Variants in PIERCE2 observed in about 807,000 individuals in gnomAD.
PIERCE2 encodes piercer of microtubule wall 2 protein.
At chr15:55,408,948 TA>T in the PIERCE2 span, among the ~76,000 whole-genome samples, 3 of 152,164 alleles carry the variant, frequency 2.0e-5, no homozygotes, top group East Asian at 5.8e-4. Flanking sequence ...CACGTTTCCT[TA>T]AGTCCGAATA....
At chr15:55,416,160 C>T in the PIERCE2 span, among the ~76,000 whole-genome samples, 4 of 151,978 alleles carry the variant, frequency 2.6e-5, no homozygotes, top group Admixed American at 1.3e-4. Flanking sequence ...AGTGCAGTGG[C>T]GTGATCTTGG....
At chr15:55,417,423 T>C in the PIERCE2 span, among the ~76,000 whole-genome samples, 1 of 152,148 alleles carries the variant, frequency 6.6e-6, no homozygotes, top group South Asian at 2.1e-4. Flanking sequence ...TAATATCTTG[T>C]ATTTTTTTTT....
the PIERCE2 span, chr15:55,418,232 A>G: frequency 6.4e-7 from 1 of 1,569,046 alleles, no homozygotes; most frequent in East Asian, 2.3e-5. Context: ...GGATAAGAAA[A>G]GTACTTCACC....
At chr15:55,416,627 T>C in the PIERCE2 span, among the ~76,000 whole-genome samples, 1 of 151,882 alleles carries the variant, frequency 6.6e-6, no homozygotes, top group Non-Finnish European at 1.5e-5. Flanking sequence ...CAATCAATCA[T>C]GAGATCCTGT....
At chr15:55,412,093 C>A in the PIERCE2 span, among the ~76,000 whole-genome samples, 30 of 82,084 alleles carry the variant, frequency 3.7e-4, no homozygotes, top group East Asian at 4.3e-4. Flanking sequence ...TTTGTCTCCA[C>A]AAAAAAAAAA....
At chr15:55,412,846 G>A in the PIERCE2 span, among the ~76,000 whole-genome samples, 8 of 152,182 alleles carry the variant, frequency 5.3e-5, no homozygotes, top group East Asian at 1.9e-4. Flanking sequence ...GTTAAAAGCT[G>A]GGGATTGATA....
chr15:55,418,167 T>G, the PIERCE2 span: 2 of 1,560,264 alleles, frequency 1.3e-6, no homozygotes, highest in East Asian at 2.2e-5. Context: ...CTGAATTAAA[T>G]TTTTTTTTTT....
chr15:55,416,950 G>A, the PIERCE2 span, among the ~76,000 whole-genome samples: 17,474 of 152,058 alleles, frequency 0.11, 1,513 homozygotes, highest in African/African-American at 0.23. Context: ...GACAGAGCGA[G>A]ACTCTGTCTC....
the PIERCE2 span, among the ~76,000 whole-genome samples, chr15:55,412,914 GAGACCAGGAGTTCA>G: frequency 2.9e-4 from 44 of 152,288 alleles, no homozygotes; most frequent in Non-Finnish European, 5.0e-4. Flanking sequence ...AGGATTGCTT[GAGACCAGGAGTTCA>G]AGACCAGCCT....
chr15:55,412,592 T>G, the PIERCE2 span, among the ~76,000 whole-genome samples: 6 of 152,178 alleles, frequency 3.9e-5, no homozygotes, highest in Non-Finnish European at 8.8e-5. Context: ...GTAGGGACAC[T>G]ATTCAGGTAG....
chr15:55,413,565 C>G, the PIERCE2 span, among the ~76,000 whole-genome samples: 1 of 151,920 alleles, frequency 6.6e-6, no homozygotes, highest in Non-Finnish European at 1.5e-5. Flanking sequence ...TTGAGACCAG[C>G]CTGACCAACA....
At chr15:55,418,431 T>G in the PIERCE2 span, 4 of 1,524,900 alleles carry the variant, frequency 2.6e-6, no homozygotes, top group Non-Finnish European at 3.5e-6. Context: ...CCACAGTTTT[T>G]CCCCTGCAAT....
the PIERCE2 span, chr15:55,408,765 G>C: frequency 6.6e-7 from 1 of 1,525,948 alleles, no homozygotes; most frequent in African/African-American, 1.4e-5. Context: ...AAAGAAGAGC[G>C]AAAATGACAG....
the PIERCE2 span, among the ~76,000 whole-genome samples, chr15:55,412,674 T>C: frequency 1.7e-3 from 253 of 152,234 alleles, 1 homozygote; most frequent in African/African-American, 6.0e-3. Flanking sequence ...AGCCAAGGCC[T>C]GAGGATCACT....
At chr15:55,418,173 T>G in the PIERCE2 span, 1 of 1,558,330 alleles carries the variant, frequency 6.4e-7, no homozygotes, top group Admixed American at 2.1e-5. Flanking sequence ...TAAATTTTTT[T>G]TTTTTCAGAA....
the PIERCE2 span, among the ~76,000 whole-genome samples, chr15:55,416,555 A>G: frequency 1.3e-5 from 2 of 152,134 alleles, no homozygotes; most frequent in Non-Finnish European, 2.9e-5. Flanking sequence ...CATCCGCCCA[A>G]GTGTTTGTCC....
the PIERCE2 span, chr15:55,410,727 G>C: frequency 5.3e-5 from 8 of 152,286 alleles, no homozygotes; most frequent in Non-Finnish European, 1.0e-4. Context: ...AAATCTACAA[G>C]TTGCCCTGGG....
the PIERCE2 span, chr15:55,408,597 C>A: frequency 2.4e-6 from 1 of 412,590 alleles, no homozygotes; most frequent in Non-Finnish European, 4.3e-6. Context: ...AAACAGCTCC[C>A]CGGATTAAAC....
At chr15:55,408,516 C>T in the PIERCE2 span, 4 of 347,158 alleles carry the variant, frequency 1.2e-5, no homozygotes, top group Admixed American at 1.4e-4. Flanking sequence ...CATCCGGGAG[C>T]CGGCGACCAC....
Sources: gnomAD v4.1 joint callset for allele counts (sites outside exome capture counted in the v4.1 genomes callset) on GRCh38, gnomAD v4.1.1 for gene constraint, MANE v1.5 for transcripts, NCBI Gene and HGNC (gene_info 2026-07-23, HGNC 2026-07-21) for gene names.